The following KASH5 variants were observed in gnomAD, a reference collection of about 807,000 sequenced individuals.
The protein encoded by KASH5 is KASH domain containing 5.
In KASH5, 72 loss-of-function variants were observed where a neutral mutation model predicts 84.2. The ratio of observed to expected loss-of-function variants is 0.85; its 90% CI spans 0.71 to 1.04. The LOEUF (loss-of-function observed/expected upper bound fraction) is 1.04, where lower values mean the gene tolerates loss of function less well. KASH5 is among the 50% of genes least tolerant of loss of function. The pLI is 0.00. For synonymous variants in KASH5, 260 were observed against 279.1 expected, an observed-to-expected ratio of 0.93 and a Z score of 0.68; for missense variants, 650 against 701.0, an observed-to-expected ratio of 0.93 and a Z score of 0.82.
At chr19:49,403,156 G>C (rs1196736935) in intron 9 of KASH5, among the ~76,000 whole-genome samples, 1 of 152,162 alleles carries the variant, frequency 6.6e-6, no homozygotes, top group East Asian at 1.9e-4. Flanking sequence ...AGGAGATCGA[G>C]ACTATCCTGG....
In KASH5 at chr19:49,395,391, A is replaced by G. The variant is rs978526903; in HGVS notation, c.335+99A>G. Reference sequence around the variant, plus strand: ...CAGCATCCTTTAGGCCCAAGGACCTACTGTGTTTGGAATGAGGCTGTGGAG... The same window carrying G: ...CAGCATCCTTTAGGCCCAAGGACCTGCTGTGTTTGGAATGAGGCTGTGGAG... On this transcript the variant is annotated intron_variant, in intron 4 of 19. Coordinates refer to ENST00000447857, the MANE Select transcript of KASH5 (RefSeq NM_144688.5). The surrounding 1 kb of genome is among the most constrained non-coding windows in gnomAD (Gnocchi z 4.4). The G allele has an allele frequency of 2.5e-5, 33 of 1,300,574 alleles. No homozygotes were observed. The African/African-American group carries it at 4.6e-4, about 18-fold the overall frequency. 80.6% of individuals were successfully genotyped at this position (1,300,574 alleles called of 1,614,324 possible).
At chr19:49,397,916 T>A in intron 6 of KASH5, 66 bp from the exon 7 acceptor site, 1 of 1,565,154 alleles carries the variant, frequency 6.4e-7, no homozygotes, top group Non-Finnish European at 8.7e-7. Context: ...CACCAGCACC[T>A]ACCTCGACCC....
rs377690962 is a variant in KASH5 at position 49,395,220 on chromosome 19, C to G, written c.263C>G (p.Pro88Arg). The G allele has an allele frequency of 6.2e-7, 1 of 1,612,682 alleles. No homozygotes were observed. Among genetic ancestry groups the G allele is most frequent in the East Asian group, 2.2e-5 (1 of 44,864 alleles). ...ANSLDPNGEG[P>R]KATVDLDTFL... ...AGCCTGGACCCCAATGGGGAGGGCC[C>G]TAAGGCCACTGTGGACTTGGACACT... The change falls in exon 4 of 20, where the codon CCT becomes CGT. Residue 88 changes from proline to arginine, a missense_variant. Physicochemically the swap from Pro to Arg is moderately radical, Grantham distance 103 (BLOSUM62 -2). Coordinates refer to ENST00000447857, the MANE Select transcript of KASH5 (RefSeq NM_144688.5). This position sits in a 1 kb window ranked among gnomAD's most constrained non-coding sequence, Gnocchi z 4.4.
chr19:49,394,734 G>T (rs918043984), intron 3 of KASH5, 154 bp downstream of exon 3: 7 of 628,092 alleles, frequency 1.1e-5, no homozygotes, highest in Non-Finnish European at 2.0e-5. Flanking sequence ...TCAGGAAGAA[G>T]AACGTGGATA....
Position 49,414,314 on chromosome 19 carries a change from G to A in KASH5, c.1329-637G>A, listed in dbSNP as rs1471968370. ...TCCAGTCCTCCTGGAAGAGGGTCTT[G>A]CACCTAAGAGGATTCGGCATGGGGA... On this transcript the variant is annotated intron_variant, in intron 16 of 19. Transcript: ENST00000447857. This position sits in a 1 kb window ranked among gnomAD's most constrained non-coding sequence, Gnocchi z 4.5. 6.6e-6 allele frequency among the ~76,000 whole-genome samples: 1 copy of A among 152,118 alleles called. No individual in the cohort carries two copies. Among genetic ancestry groups the A allele is most frequent in the Non-Finnish European group, 1.5e-5 (1 of 68,014 alleles).
At chr19:49,393,759 C>CT (rs567072922) in intron 2 of KASH5, 6 of 151,624 alleles carry the variant, frequency 4.0e-5, no homozygotes, top group Non-Finnish European at 7.3e-5. Context: ...TAACTCAGCC[C>CT]TGGTGAGGAG....
intron 9 of KASH5, among the ~76,000 whole-genome samples, chr19:49,405,456 C>CAA (rs58604196): frequency 7.5e-4 from 68 of 90,412 alleles, no homozygotes; most frequent in African/African-American, 2.6e-3. Context: ...AAACTCCTCT[C>CAA]AAAAAAAAAA....
chr19:49,399,186 G>T lies in KASH5; in HGVS notation c.747+44G>T. The stretch of plus-strand genomic sequence containing the variant: ...AAGGAAGGTGCCCTCTCTCTTCTTT[G>T]TTTCCTGGAGTCAGGGCGGCAGAGT... On this transcript the variant is annotated intron_variant, in intron 8 of 19. Coordinates refer to ENST00000447857, the MANE Select transcript of KASH5 (RefSeq NM_144688.5). The surrounding 1 kb of genome is among the most constrained non-coding windows in gnomAD (Gnocchi z 4.4). 6.8e-7 allele frequency: 1 copy of T among 1,481,102 alleles called. No individual in the cohort carries two copies. The highest frequency in any genetic ancestry group is 9.1e-7 in the Non-Finnish European group (1 of 1,096,492). The allele number at this position is 1,481,102 out of a possible 1,614,324, so 91.7% of individuals were successfully genotyped here. A position where few individuals can be genotyped will look rare whatever the true frequency, so the allele number is the denominator to read the frequency against.
At chr19:49,401,076 G>A (rs1222237564) in intron 9 of KASH5, among the ~76,000 whole-genome samples, 1 of 152,160 alleles carries the variant, frequency 6.6e-6, no homozygotes, top group African/African-American at 2.4e-5. Flanking sequence ...ACTGTGTGCT[G>A]GCATCTACTG....
At chr19:49,413,151 G>A (rs1266002603) in intron 16 of KASH5, 125 bp downstream of exon 16, 5 of 964,058 alleles carry the variant, frequency 5.2e-6, no homozygotes, top group East Asian at 5.3e-5. Context: ...CATGTCTTCC[G>A]GGAGCAGAAC....
In KASH5 at chr19:49,396,285, A is replaced by C. The variant is rs1359201630; in HGVS notation, c.400+452A>C. On this transcript the variant is annotated intron_variant, in intron 5 of 19. Coordinates refer to ENST00000447857, the MANE Select transcript of KASH5 (RefSeq NM_144688.5). ...TTTTTTTTTTTGAGATAAGAGTTTC[A>C]CTCCTGTTGCCCAGGCTGTTGTGCA... 6.2e-4 allele frequency among the ~76,000 whole-genome samples: 69 copies of C among 111,374 alleles called. 1 individual carries two copies. The highest frequency in any genetic ancestry group is 6.2e-3 in the Middle Eastern group (1 of 162). 73.1% of individuals were successfully genotyped at this position (111,374 alleles called of 152,430 possible). A position where few individuals can be genotyped will look rare whatever the true frequency, so the allele number is the denominator to read the frequency against.
Position 49,417,116 on chromosome 19 carries a change from G to T in KASH5, c.1439+37G>T. 1 of 1,608,404 alleles carries T rather than the reference G, an allele frequency of 6.2e-7. No individual in the cohort carries two copies. Among genetic ancestry groups the T allele is most frequent in the Non-Finnish European group, 8.5e-7 (1 of 1,177,440 alleles). ...CACAGGGTCCAGGAGGGACACTGGG[G>T]CAAGGAAAAACCCAGTGGTGATTCC... On this transcript the variant is annotated intron_variant, in intron 18 of 19. Transcript: ENST00000447857. The surrounding 1 kb of genome is among the most constrained non-coding windows in gnomAD (Gnocchi z 5.2).
chr19:49,402,597 C>T (rs1272375171), intron 9 of KASH5, among the ~76,000 whole-genome samples: 1 of 151,996 alleles, frequency 6.6e-6, no homozygotes, highest in African/African-American at 2.4e-5. Flanking sequence ...ATCCCAGCTA[C>T]TTGAGAGGCT....
intron 6 of KASH5, 42 bp from the exon 7 acceptor site, chr19:49,397,940 A>C (rs1390038445): frequency 3.1e-6 from 5 of 1,598,210 alleles, no homozygotes; most frequent in African/African-American, 1.3e-5. Flanking sequence ...GAAATGAGTC[A>C]GGGGCTGTGG....
intron 9 of KASH5, among the ~76,000 whole-genome samples, chr19:49,405,956 C>CAAAAAA (rs59895865): frequency 1.5e-5 from 1 of 67,850 alleles, no homozygotes; most frequent in African/African-American, 5.7e-5. Flanking sequence ...AACTCCGTCT[C>CAAAAAA]AAAAAAAAAA....
At chr19:49,404,140 C>G (rs1974452006) in intron 9 of KASH5, among the ~76,000 whole-genome samples, 1 of 152,208 alleles carries the variant, frequency 6.6e-6, no homozygotes, top group Admixed American at 6.5e-5. Context: ...TGCCCTTCAC[C>G]TGGCAGCCCA....
intron 9 of KASH5, 128 bp from the exon 10 acceptor site, chr19:49,406,758 G>T: frequency 1.3e-6 from 1 of 799,398 alleles, no homozygotes. Flanking sequence ...GAATTAAATG[G>T]GTTAAAACAT....
At chr19:49,398,205 C>A in intron 7 of KASH5, 62 bp downstream of exon 7, 7 of 1,427,418 alleles carry the variant, frequency 4.9e-6, no homozygotes, top group Non-Finnish European at 6.6e-6. Flanking sequence ...CTGCAGCAGC[C>A]GGCCTCTATC....
chr19:49,417,084 T>C lies in KASH5; in HGVS notation c.1439+5T>C. On this transcript the variant is annotated splice_donor_5th_base_variant and intron_variant, in intron 18 of 19. Transcript: ENST00000447857. This position sits in a 1 kb window ranked among gnomAD's most constrained non-coding sequence, Gnocchi z 5.2. Reference sequence around the variant, plus strand: ...CCCAGAAAACCCTCCAGAGAGGTAATAGGACCCACAGGGTCCAGGAGGGAC... The same window carrying C: ...CCCAGAAAACCCTCCAGAGAGGTAACAGGACCCACAGGGTCCAGGAGGGAC... 2.5e-6 allele frequency: 4 copies of C among 1,600,926 alleles called. No homozygotes were observed. Among genetic ancestry groups the C allele is most frequent in the Non-Finnish European group, 3.4e-6 (4 of 1,174,162 alleles).
Sources: gnomAD v4.1 joint callset for allele counts (sites outside exome capture counted in the v4.1 genomes callset) on GRCh38, gnomAD v4.1.1 for gene constraint, Gnocchi (gnomAD v3.1) non-coding constraint, MANE v1.5 for transcripts, NCBI Gene and HGNC (gene_info 2026-07-23, HGNC 2026-07-21) for gene names.